Variants in RAD51AP1 observed in about 807,000 individuals in gnomAD.
The protein encoded by RAD51AP1 is RAD51 associated protein 1, also known as RAD51-associated protein 1.
RAD51AP1 carries 14 observed loss-of-function variants against 34.3 expected under a neutral mutation model. The ratio of observed to expected loss-of-function variants is 0.41; its 90% CI spans 0.27 to 0.64. The LOEUF is 0.64. Ranked by LOEUF, RAD51AP1 falls within the 30% of genes least tolerant of loss-of-function variation. The probability of loss-of-function intolerance (pLI) is 0.33; values close to 1 mark genes in which losing one functional copy is unlikely to be tolerated. For missense variants in RAD51AP1, 348 were observed against 386.9 expected (o/e 0.90, Z 0.84); for synonymous variants, 114 against 129.8 (o/e 0.88, Z 0.83).
At chr12:4,555,826 A>G (rs1340627382) in intron 7 of RAD51AP1, among the ~76,000 whole-genome samples, 1 of 152,214 alleles carries the variant, frequency 6.6e-6, no homozygotes, top group Non-Finnish European at 1.5e-5. Context: ...AGAGTCTGCC[A>G]TATCCCTTAC....
At position 4,559,087 on chromosome 12, in the gene RAD51AP1, A is replaced by G. The variant is rs1490881391; in HGVS notation, c.*94A>G. ...GTTTATATTTGAGGCAGGTATTGTAATATAAAGGAATCCATTACCATGTCC... is the reference window on the plus strand; with the variant it reads ...GTTTATATTTGAGGCAGGTATTGTAGTATAAAGGAATCCATTACCATGTCC... On this transcript the variant is annotated 3_prime_UTR_variant, in exon 9 of 9. Transcript: ENST00000352618. 5.5e-6 allele frequency: 8 copies of G among 1,445,110 alleles called. No homozygotes were observed. Among genetic ancestry groups the G allele is most frequent in the Non-Finnish European group, 6.6e-6 (7 of 1,060,556 alleles). 89.5% of individuals were successfully genotyped at this position (1,445,110 alleles called of 1,614,324 possible).
Position 4,546,220 on chromosome 12 carries a change from G to A in RAD51AP1, c.210-89G>A, listed in dbSNP as rs1944505103. On this transcript the variant is annotated intron_variant, in intron 3 of 8. Transcript: ENST00000352618. ...CATTTTTGCGAAGTTAGCAACTCTT[G>A]AATAGTAATTTGGAGAAATCTCAAA... The A allele has an allele frequency of 4.1e-6, 4 of 981,206 alleles. No individual in the cohort carries two copies. In the African/African-American group the frequency reaches 4.9e-5, roughly 12 times the overall value. 60.8% of individuals were successfully genotyped at this position (981,206 alleles called of 1,614,324 possible).
chr12:4,554,988 G>GCACAAAA (rs1444153562), intron 7 of RAD51AP1, among the ~76,000 whole-genome samples: 3 of 152,282 alleles, frequency 2.0e-5, no homozygotes, highest in Non-Finnish European at 4.4e-5. Flanking sequence ...ATATTGGACA[G>GCACAAAA]CACAAAACAC....
intron 3 of RAD51AP1, among the ~76,000 whole-genome samples, chr12:4,544,455 G>T (rs1250844642): frequency 6.6e-6 from 1 of 152,138 alleles, no homozygotes. Context: ...TTGCAGTATG[G>T]AGAAGAGATG....
At chr12:4,544,874 C>G (rs1286797230) in intron 3 of RAD51AP1, among the ~76,000 whole-genome samples, 1 of 152,072 alleles carries the variant, frequency 6.6e-6, no homozygotes, top group Non-Finnish European at 1.5e-5. Context: ...AAATCAAAAT[C>G]AGAATGAGAT....
chr12:4,543,666 T>G (rs1381951977), intron 2 of RAD51AP1, 97 bp from the exon 3 acceptor site: 2 of 729,364 alleles, frequency 2.7e-6, no homozygotes, highest in Non-Finnish European at 4.1e-6. Flanking sequence ...AATTAAACAA[T>G]TTGCCTAGCC....
At chr12:4,543,272 G>T (rs1244600148) in intron 2 of RAD51AP1, among the ~76,000 whole-genome samples, 1 of 152,120 alleles carries the variant, frequency 6.6e-6, no homozygotes, top group Non-Finnish European at 1.5e-5. Flanking sequence ...CTTTGGCCAG[G>T]CTGGTCTTGA....
Position 4,551,117 on chromosome 12 carries a change from C to G in RAD51AP1, c.557-1866C>G, listed in dbSNP as rs578154146. Reference sequence around the variant, plus strand: ...AAAGAATATACTTATGAAGTATATTCTTGCCGTCCCTCCTCCCCCCACCAC... The same window carrying G: ...AAAGAATATACTTATGAAGTATATTGTTGCCGTCCCTCCTCCCCCCACCAC... On this transcript the variant is annotated intron_variant, in intron 6 of 8. Transcript: ENST00000352618. Among the ~76,000 whole-genome samples the G allele has an allele frequency of 1.1e-3, 162 of 152,142 alleles. 1 individual carries two copies. The highest frequency in any genetic ancestry group is 1.9e-3 in the Non-Finnish European group (131 of 67,990).
At chr12:4,542,207 A>G (rs1325226896) in intron 2 of RAD51AP1, among the ~76,000 whole-genome samples, 1 of 152,220 alleles carries the variant, frequency 6.6e-6, no homozygotes, top group Non-Finnish European at 1.5e-5. Flanking sequence ...TTTGTCTCCT[A>G]TTCCATCCCT....
chr12:4,539,517 C>G (rs1944440149), intron 1 of RAD51AP1, among the ~76,000 whole-genome samples: 2 of 152,146 alleles, frequency 1.3e-5, no homozygotes, highest in Non-Finnish European at 2.9e-5. Context: ...ATATTCACTT[C>G]TTTAGTGTAC....
At chr12:4,555,117 C>T (rs929656543) in intron 7 of RAD51AP1, among the ~76,000 whole-genome samples, 4 of 151,958 alleles carry the variant, frequency 2.6e-5, no homozygotes, top group Non-Finnish European at 4.4e-5. Flanking sequence ...TTGAAATACC[C>T]CTAGGTATCT....
At chr12:4,543,741 G>T (rs1291540088) in intron 2 of RAD51AP1, 22 bp from the exon 3 acceptor site, 3 of 1,498,758 alleles carry the variant, frequency 2.0e-6, no homozygotes, top group Non-Finnish European at 1.8e-6. Flanking sequence ...TTTTCTTTTG[G>T]TTTTAATTCA....
At position 4,559,946 on chromosome 12, in the gene RAD51AP1, T is replaced by TA. The variant is rs1211898351; in HGVS notation, c.*959dup. 3 of 152,218 alleles carry TA rather than the reference T, an allele frequency of 2.0e-5. No individual in the cohort carries two copies. Among genetic ancestry groups the TA allele is most frequent in the African/African-American group, 7.2e-5 (3 of 41,452 alleles). 9.4% of individuals were successfully genotyped at this position (152,218 alleles called of 1,614,324 possible). A position where few individuals can be genotyped will look rare whatever the true frequency, so the allele number is the denominator to read the frequency against. ...AAAATTTTCAAATCATGTTAGCTGT[T>TA]AAAAAATGTATAATAACTCAGTTTT... On this transcript the variant is annotated 3_prime_UTR_variant, in exon 9 of 9. Coordinates refer to ENST00000352618, the MANE Select transcript of RAD51AP1 (RefSeq NM_006479.5).
At chr12:4,556,259 A>T (rs1944581446) in intron 7 of RAD51AP1, 94 bp from the exon 8 acceptor site, 1 of 931,642 alleles carries the variant, frequency 1.1e-6, no homozygotes, top group Admixed American at 2.4e-5. Flanking sequence ...TATTTTTTAT[A>T]TGATTATGTA....
In RAD51AP1 at chr12:4,559,205, T is replaced by A; in HGVS notation, c.*212T>A. 2.0e-6 allele frequency: 1 copy of A among 504,272 alleles called. No homozygotes were observed. The highest frequency in any genetic ancestry group is 3.4e-6 in the Non-Finnish European group (1 of 295,050). 31.2% of individuals were successfully genotyped at this position (504,272 alleles called of 1,614,324 possible). A position where few individuals can be genotyped will look rare whatever the true frequency, so the allele number is the denominator to read the frequency against. On this transcript the variant is annotated 3_prime_UTR_variant, in exon 9 of 9. Transcript: ENST00000352618. ...TTTGTTTATAAGAATTATCTTCTCATACCTTTCCTTGTGAAGAGCGTATTC... is the reference window on the plus strand; with the variant it reads ...TTTGTTTATAAGAATTATCTTCTCAAACCTTTCCTTGTGAAGAGCGTATTC...
chr12:4,546,265 T>C (rs1353020534), intron 3 of RAD51AP1, 44 bp from the exon 4 acceptor site: 7 of 1,384,122 alleles, frequency 5.1e-6, no homozygotes, highest in Non-Finnish European at 7.0e-6. Flanking sequence ...TTAGTTGAGA[T>C]TGATATTTTG....
rs1944608241 is a variant in RAD51AP1, at chr12:4,559,776, C to A, written c.*783C>A. 1 of 152,154 alleles carries A rather than the reference C, an allele frequency of 6.6e-6. No individual in the cohort carries two copies. The highest frequency in any genetic ancestry group is 2.1e-4 in the South Asian group (1 of 4,826). The allele number at this position is 152,154 out of a possible 1,614,324, so 9.4% of individuals were successfully genotyped here. On this transcript the variant is annotated 3_prime_UTR_variant, in exon 9 of 9. Transcript: ENST00000352618. The stretch of plus-strand genomic sequence containing the variant: ...GTTAAGTTCTTTAGAAAGTAGTTGT[C>A]AAGTACTTAGTCATCCCTATTATGA...
At position 4,548,700 on chromosome 12, in the gene RAD51AP1, T is replaced by A; in HGVS notation, c.420T>A (p.Ile140=). Residue 140 remains isoleucine, a synonymous_variant, in exon 6 of 9, where the codon ATT becomes ATA. Coordinates refer to ENST00000352618, the MANE Select transcript of RAD51AP1 (RefSeq NM_006479.5). ...CCTCTCCTGAAGATTTGGATAAGAT[T>A]ACTGTGGAAGATGATGTTGGTGGTG... The part of the protein sequence containing the change: ...VASDYLDLDK[I]TVEDDVGGVQ... The A allele has an allele frequency of 6.2e-7, 1 of 1,613,436 alleles. No individual in the cohort carries two copies. The highest frequency in any genetic ancestry group is 1.1e-5 in the South Asian group (1 of 90,928).
At chr12:4,557,807 T>C (rs1161647629) in intron 8 of RAD51AP1, among the ~76,000 whole-genome samples, 4 of 152,124 alleles carry the variant, frequency 2.6e-5, no homozygotes, top group Non-Finnish European at 5.9e-5. Context: ...AGGAATTTTG[T>C]TGGACTCAGG....
Sources: allele counts gnomAD v4.1 joint callset (sites outside exome capture counted in the v4.1 genomes callset), GRCh38; gene constraint gnomAD v4.1.1; transcripts MANE v1.5; gene names NCBI Gene and HGNC (gene_info 2026-07-23, HGNC 2026-07-21).